Variants in MEGF10 observed in about 807,000 individuals in gnomAD.
MEGF10 encodes multiple EGF like domains 10, also known as multiple epidermal growth factor-like domains protein 10.
In MEGF10, 86 loss-of-function variants were observed where a neutral mutation model predicts 147.5. That is an observed-to-expected ratio of 0.58 (90% CI 0.49 to 0.70). The LOEUF is 0.70. Among genes scored for constraint, MEGF10 ranks in the 30% least tolerant of loss-of-function variants. The probability of loss-of-function intolerance (pLI) is 0.00; values close to 1 mark genes in which losing one functional copy is unlikely to be tolerated. For synonymous variants in MEGF10, 478 were observed against 525.5 expected (o/e 0.91, Z 1.24); for missense variants, 1,329 against 1,487.3 (o/e 0.89, Z 1.75).
intron 17 of MEGF10, among the ~76,000 whole-genome samples, chr5:127,440,135 C>A (rs528678963): frequency 6.6e-6 from 1 of 152,178 alleles, no homozygotes; most frequent in Admixed American, 6.5e-5. Context: ...TCAAGAGACT[C>A]GCCGGTCTAA....
At chr5:127,334,585 T>C (rs1761393320) in intron 2 of MEGF10, among the ~76,000 whole-genome samples, 1 of 152,138 alleles carries the variant, frequency 6.6e-6, no homozygotes. Flanking sequence ...AAAATGAAAT[T>C]AAAGAAAATG....
intron 1 of MEGF10, among the ~76,000 whole-genome samples, chr5:127,309,947 C>CTCTCTTTCTTTCTT: frequency 1.1e-5 from 1 of 90,464 alleles, no homozygotes; most frequent in East Asian, 2.7e-4. Context: ...TCCTTGCCAA[C>CTCTCTTTCTTTCTT]TCTTTCTTTC....
chr5:127,385,001 A>G (rs1763378771), intron 5 of MEGF10, among the ~76,000 whole-genome samples: 1 of 152,224 alleles, frequency 6.6e-6, no homozygotes, highest in Non-Finnish European at 1.5e-5. Flanking sequence ...AGGCTTAAGA[A>G]GAAAGGGTGT....
chr5:127,322,552 A>T (rs1233959013), intron 1 of MEGF10, among the ~76,000 whole-genome samples: 2 of 152,166 alleles, frequency 1.3e-5, no homozygotes, highest in Non-Finnish European at 2.9e-5. Flanking sequence ...CACATTTTAC[A>T]TTGCCCAGTC....
intron 18 of MEGF10, among the ~76,000 whole-genome samples, chr5:127,441,145 C>T (rs1765743385): frequency 6.6e-6 from 1 of 152,186 alleles, no homozygotes; most frequent in African/African-American, 2.4e-5. Flanking sequence ...CCTTCCTCTC[C>T]TTCTTATTTT....
rs1766531949 is a variant in MEGF10 at position 127,460,765 on chromosome 5, A to G, written c.*3447A>G. The G allele has an allele frequency of 6.6e-6, 1 of 152,182 alleles. No individual in the cohort carries two copies. Among genetic ancestry groups the G allele is most frequent in the Admixed American group, 6.6e-5 (1 of 15,266 alleles). The allele number at this position is 152,182 out of a possible 1,614,324, so 9.4% of individuals were successfully genotyped here. ...TAAGGTTATATTTTTTAAAATAATG[A>G]ATTTTCTATCTCTAGGCAACATGTC... On this transcript the variant is annotated 3_prime_UTR_variant, in exon 25 of 25. Coordinates refer to ENST00000503335, the MANE Select transcript of MEGF10 (RefSeq NM_001256545.2).
chr5:127,322,296 T>A (rs1238762923), intron 1 of MEGF10, among the ~76,000 whole-genome samples: 1 of 152,090 alleles, frequency 6.6e-6, no homozygotes, highest in Non-Finnish European at 1.5e-5. Context: ...TAAACTTCCT[T>A]TCCCACTCAC....
Position 127,440,756 on chromosome 5 carries a change from T to A in MEGF10, c.2251T>A (p.Tyr751Asn), listed in dbSNP as rs772219489. ...TCCCACAGGATGTCCTCTAGGGTTTTATGGAAAAGATTGTGCACTGATATG... is the reference window on the plus strand; with the variant it reads ...TCCCACAGGATGTCCTCTAGGGTTTAATGGAAAAGATTGTGCACTGATATG... ...YCTQRCPLGF[Y>N]GKDCALICQC... is the part of the protein sequence containing the mutation. The change falls in exon 18 of 25, where the codon TAT becomes AAT. Residue 751 changes from tyrosine (Y) to asparagine (N), a missense_variant. Tyr to Asn is a moderately radical substitution (Grantham distance 143). Transcript: ENST00000503335. 2 of 1,614,070 alleles carry A rather than the reference T, an allele frequency of 1.2e-6. No individual in the cohort carries two copies. The highest frequency in any genetic ancestry group is 2.7e-5 in the African/African-American group (2 of 75,018).
intron 1 of MEGF10, among the ~76,000 whole-genome samples, chr5:127,319,171 G>A (rs1369718360): frequency 6.6e-6 from 1 of 151,924 alleles, no homozygotes; most frequent in African/African-American, 2.4e-5. Flanking sequence ...TGCTTCCCGG[G>A]TTCAAGTGAT....
chr5:127,442,866 T>TG, intron 18 of MEGF10, 132 bp from the exon 19 acceptor site: 1 of 885,770 alleles, frequency 1.1e-6, no homozygotes, highest in Non-Finnish European at 1.7e-6. Context: ...GGGACACTCT[T>TG]GGGGGTACAA....
intron 1 of MEGF10, among the ~76,000 whole-genome samples, chr5:127,296,201 C>T (rs1018623696): frequency 6.6e-6 from 1 of 152,154 alleles, no homozygotes; most frequent in Non-Finnish European, 1.5e-5. Context: ...CTTTATAGAA[C>T]TTTATTTGTG....
At position 127,396,622 on chromosome 5, in the gene MEGF10, A is replaced by G. The variant is rs866650585; in HGVS notation, c.503A>G (p.His168Arg). The change falls in exon 6 of 25, where the codon CAC becomes CGC. Residue 168 changes from histidine to arginine, a missense_variant. Coordinates refer to ENST00000503335, the MANE Select transcript of MEGF10 (RefSeq NM_001256545.2). ...ALCNPITGAC[H>R]CAAGFRGWRC... ...TGCAACCCCATCACCGGGGCTTGCCACTGTGCTGCGGGCTTCCGGGGCTGG... is the reference window on the plus strand; with the variant it reads ...TGCAACCCCATCACCGGGGCTTGCCGCTGTGCTGCGGGCTTCCGGGGCTGG... 1.2e-6 allele frequency: 2 copies of G among 1,613,760 alleles called. No individual in the cohort carries two copies. The highest frequency in any genetic ancestry group is 3.3e-5 in the Admixed American group (2 of 60,016).
chr5:127,376,986 G>T (rs1580784316), intron 5 of MEGF10, among the ~76,000 whole-genome samples: 1 of 152,148 alleles, frequency 6.6e-6, no homozygotes, highest in African/African-American at 2.4e-5. Flanking sequence ...GGAGACAGGG[G>T]CAGATGACAC....
chr5:127,375,198 A>G (rs905223765), intron 5 of MEGF10, among the ~76,000 whole-genome samples: 1 of 150,474 alleles, frequency 6.6e-6, no homozygotes, highest in Admixed American at 6.7e-5. Context: ...ATGGTAATCA[A>G]TTGATAACTG....
intron 6 of MEGF10, 92 bp downstream of exon 6, chr5:127,396,870 G>C (rs907031735): frequency 1.3e-6 from 2 of 1,537,678 alleles, no homozygotes; most frequent in African/African-American, 2.7e-5. Flanking sequence ...GCCTCAGTTT[G>C]CATTGCTGCC....
At chr5:127,409,538 T>A (rs3844184) in intron 8 of MEGF10, 38,976 of 152,190 alleles carry the variant, frequency 0.26, 6,110 homozygotes, top group African/African-American at 0.45. Context: ...CTTTTCTATC[T>A]CGATTCCCTC....
chr5:127,249,110 G>T, the MEGF10 span, among the ~76,000 whole-genome samples: 1 of 151,854 alleles, frequency 6.6e-6, no homozygotes, highest in Non-Finnish European at 1.5e-5. Flanking sequence ...TAATTGACTG[G>T]TTCAAGCAAA....
At chr5:127,364,878 T>C (rs1245032385) in intron 4 of MEGF10, among the ~76,000 whole-genome samples, 2 of 152,276 alleles carry the variant, frequency 1.3e-5, no homozygotes, top group East Asian at 1.9e-4. Context: ...ATCCATCTTA[T>C]GTTTTGGTCC....
At chr5:127,230,049 G>A in the MEGF10 span, among the ~76,000 whole-genome samples, 2 of 152,056 alleles carry the variant, frequency 1.3e-5, no homozygotes, top group Admixed American at 6.5e-5. Flanking sequence ...TAAAATTTTA[G>A]TTTTTGGTAA....
Sources: allele counts gnomAD v4.1 joint callset (sites outside exome capture counted in the v4.1 genomes callset), GRCh38; gene constraint gnomAD v4.1.1; transcripts MANE v1.5; gene names NCBI Gene and HGNC (gene_info 2026-07-23, HGNC 2026-07-21).